CD55: variants seen among roughly 807,000 people sequenced by gnomAD.
CD55 encodes complement decay-accelerating factor.
In CD55, 41 loss-of-function variants were observed where a neutral mutation model predicts 45.8. The observed-to-expected ratio is 0.90, with a 90% CI of 0.70 to 1.16. The LOEUF is 1.16. CD55 is among the 50% of genes most tolerant of loss of function. The pLI, the probability that CD55 is intolerant of heterozygous loss-of-function variation, is 0.00. For missense variants in CD55, 416 were observed against 469.8 expected (o/e 0.89, Z 1.06); for synonymous variants, 181 against 181.1 (o/e 1.00, Z 0.01).
chr1:207,331,167 C>T lies in CD55; in HGVS notation c.724C>T (p.His242Tyr), dbSNP rs780984104. The change falls in exon 6 of 10, where the codon CAT becomes TAT. Residue 242 changes from histidine to tyrosine, a missense_variant. This residue lies in a region of CD55 where 182 missense variants were observed against 201.4 expected (regional missense o/e 0.90). Transcript: ENST00000367064. ...DNGIIQGERD[H>Y]YGYRQSVTYA... ...TGGAATAATTCAAGGGGAACGTGAC[C>T]ATTATGGATATAGACAGTCTGTAAC... The T allele has an allele frequency of 6.2e-7, 1 of 1,613,414 alleles. No homozygotes were observed. Among genetic ancestry groups the T allele is most frequent in the Admixed American group, 1.7e-5 (1 of 60,016 alleles).
intron 2 of CD55, among the ~76,000 whole-genome samples, chr1:207,323,231 A>C (rs1654509326): frequency 6.6e-6 from 1 of 151,212 alleles, no homozygotes; most frequent in African/African-American, 2.4e-5. Flanking sequence ...TGGGATATAT[A>C]TAAGGAGATA....
At chr1:207,337,659 T>TA (rs55690559) in intron 8 of CD55, 101,671 of 276,354 alleles carry the variant, frequency 0.37, 12,944 homozygotes, top group Middle Eastern at 0.44. Flanking sequence ...TTAAGATTGG[T>TA]AAAAAAAAAA....
At chr1:207,350,952 T>C (rs1655845574) in intron 9 of CD55, among the ~76,000 whole-genome samples, 1 of 152,154 alleles carries the variant, frequency 6.6e-6, no homozygotes, top group Non-Finnish European at 1.5e-5. Flanking sequence ...CTTTGTTAAT[T>C]TGAGATTTTT....
At chr1:207,330,662 G>T (rs760396864) in intron 5 of CD55, among the ~76,000 whole-genome samples, 3 of 152,148 alleles carry the variant, frequency 2.0e-5, no homozygotes, top group African/African-American at 7.2e-5. Flanking sequence ...CCCTCTTAGA[G>T]TGAAGAGCAA....
At chr1:207,328,000 CAT>C (rs769044760) in intron 5 of CD55, among the ~76,000 whole-genome samples, 8 of 152,102 alleles carry the variant, frequency 5.3e-5, no homozygotes, top group Non-Finnish European at 1.0e-4. Context: ...AAAGCTGGGC[CAT>C]ATCTTTTGTT....
intron 1 of CD55, 57 bp downstream of exon 1, chr1:207,321,922 G>A (rs149072484): frequency 3.1e-4 from 399 of 1,285,376 alleles, no homozygotes; most frequent in Non-Finnish European, 4.0e-4. Flanking sequence ...GGTCCAAGTC[G>A]GTCTCTGAGA....
intron 1 of CD55, 41 bp from the exon 2 acceptor site, chr1:207,322,341 C>CT: frequency 6.5e-7 from 1 of 1,550,132 alleles, no homozygotes; most frequent in Non-Finnish European, 8.9e-7. Flanking sequence ...TGTGAGGACA[C>CT]TTGATAGTCA....
intron 2 of CD55, among the ~76,000 whole-genome samples, chr1:207,323,476 TAC>T (rs1449025109): frequency 3.3e-5 from 5 of 152,138 alleles, no homozygotes; most frequent in African/African-American, 1.2e-4. Context: ...TGAATATACA[TAC>T]AGTCATCCAC....
At chr1:207,332,226 A>G (rs1486627664) in intron 6 of CD55, among the ~76,000 whole-genome samples, 2 of 152,230 alleles carry the variant, frequency 1.3e-5, no homozygotes, top group African/African-American at 4.8e-5. Flanking sequence ...TATTTATTAT[A>G]TCAATGGTGT....
chr1:207,347,024 G>T (rs1572896095), intron 9 of CD55: 1 of 446,692 alleles, frequency 2.2e-6, no homozygotes, highest in East Asian at 7.0e-5. Context: ...AGGCTGCCTT[G>T]CTTCTGTCTC....
chr1:207,345,312 T>C (rs1293194573), intron 9 of CD55, among the ~76,000 whole-genome samples: 1 of 152,082 alleles, frequency 6.6e-6, no homozygotes, highest in Non-Finnish European at 1.5e-5. Flanking sequence ...TTTCTTCTGC[T>C]TGATCTAGCC....
At position 207,339,411 on chromosome 1, in the gene CD55, C is replaced by T. The variant is rs1440399895; in HGVS notation, c.1075C>T (p.Leu359=). The stretch of plus-strand genomic sequence containing the variant: ...TTCGTCTGTAGGTACTACCCGTCTT[C>T]TATCTGGTAAGTTTGGCTCTCAGGC... The part of the protein sequence containing the change: ...SGTTSGTTRL[L]SGHTCFTLTG... Residue 359 remains leucine, a synonymous_variant, in exon 9 of 10, where the codon CTA becomes TTA. Transcript: ENST00000367064. 6.2e-7 allele frequency: 1 copy of T among 1,606,874 alleles called. No individual in the cohort carries two copies. The highest frequency in any genetic ancestry group is 1.3e-5 in the African/African-American group (1 of 74,602).
chr1:207,354,363 ACT>A (rs1656001249), intron 9 of CD55: 1 of 429,828 alleles, frequency 2.3e-6, no homozygotes, highest in Non-Finnish European at 3.1e-6. Flanking sequence ...TTTGTTAAAC[ACT>A]TTCTACTGTT....
intron 9 of CD55, among the ~76,000 whole-genome samples, chr1:207,352,103 AT>A (rs911450134): frequency 9.2e-5 from 14 of 151,566 alleles, no homozygotes; most frequent in African/African-American, 4.8e-5. Flanking sequence ...GAAGTATTTG[AT>A]TTTTTTTTCC....
Position 207,360,782 on chromosome 1 carries a change from G to A in CD55, c.*1172G>A, listed in dbSNP as rs145479193. ...TCATCTTGCCAATTACATTTTAAGT[G>A]TTAGACTAGACTAAGATGTACTAGT... On this transcript the variant is annotated 3_prime_UTR_variant, in exon 10 of 10. Transcript: ENST00000367064. 637 of 152,190 alleles carry A rather than the reference G, an allele frequency of 4.2e-3. 5 individuals carry two copies. Among genetic ancestry groups the A allele is most frequent in the African/African-American group, 0.014 (602 of 41,526 alleles). The allele number at this position is 152,190 out of a possible 1,614,324, so 9.4% of individuals were successfully genotyped here.
chr1:207,342,095 C>T (rs1655451226), intron 9 of CD55, among the ~76,000 whole-genome samples: 1 of 151,728 alleles, frequency 6.6e-6, no homozygotes, highest in Non-Finnish European at 1.5e-5. Flanking sequence ...ATCTTGTTTC[C>T]TGCAACTGTA....
chr1:207,347,021 C>A (rs1655667196), intron 9 of CD55: 1 of 444,994 alleles, frequency 2.2e-6, no homozygotes, highest in Non-Finnish European at 4.5e-6. Flanking sequence ...AACAGGCTGC[C>A]TTGCTTCTGT....
chr1:207,331,900 A>G (rs1654963772), intron 6 of CD55, among the ~76,000 whole-genome samples: 1 of 152,204 alleles, frequency 6.6e-6, no homozygotes, highest in African/African-American at 2.4e-5. Context: ...GTGAAGCTGG[A>G]CTAAACATTG....
intron 6 of CD55, 110 bp from the exon 7 acceptor site, chr1:207,336,583 A>G: frequency 8.1e-7 from 1 of 1,234,808 alleles, no homozygotes; most frequent in South Asian, 1.4e-5. Context: ...AGTCATACCT[A>G]GGTGTTTGTG....
Sources: gnomAD v4.1 joint callset for allele counts (sites outside exome capture counted in the v4.1 genomes callset) on GRCh38, gnomAD v4.1.1 for gene constraint, gnomAD v4.1.1 regional missense constraint, MANE v1.5 for transcripts, NCBI Gene and HGNC (gene_info 2026-07-23, HGNC 2026-07-21) for gene names.